CTNNA2: variants seen among roughly 807,000 people sequenced by gnomAD.
The protein encoded by CTNNA2 is catenin alpha 2.
In CTNNA2, 42 loss-of-function variants were observed where a neutral mutation model predicts 101.0. The ratio of observed to expected loss-of-function variants is 0.42; its 90% CI spans 0.32 to 0.54. The LOEUF is 0.54. Among genes scored for constraint, CTNNA2 ranks in the 20% least tolerant of loss-of-function variants. The probability of loss-of-function intolerance (pLI) is 0.14; values close to 1 mark genes in which losing one functional copy is unlikely to be tolerated. For missense variants in CTNNA2, 871 were observed against 1,223.1 expected, an observed-to-expected ratio of 0.71 and a Z score of 4.29; for synonymous variants, 450 against 456.4, an observed-to-expected ratio of 0.99 and a Z score of 0.18.
At chr2:79,722,236 A>G (rs1237870943) in intron 2 of CTNNA2, among the ~76,000 whole-genome samples, 1 of 152,198 alleles carries the variant, frequency 6.6e-6, no homozygotes, top group Admixed American at 6.5e-5. Flanking sequence ...AGCAGGCAGA[A>G]CATATTTAAC....
chr2:80,174,974 G>A (rs1247119927), intron 7 of CTNNA2, among the ~76,000 whole-genome samples: 1 of 152,024 alleles, frequency 6.6e-6, no homozygotes, highest in African/African-American at 2.4e-5. Context: ...CTCTCCCACT[G>A]CTTCATATTT....
intron 6 of CTNNA2, among the ~76,000 whole-genome samples, chr2:79,896,407 T>A (rs958931813): frequency 6.6e-6 from 1 of 152,184 alleles, no homozygotes; most frequent in Non-Finnish European, 1.5e-5. Context: ...TAAATGTACA[T>A]ATCTAACTAA....
At chr2:80,068,852 A>G (rs1572988392) in intron 7 of CTNNA2, among the ~76,000 whole-genome samples, 1 of 152,166 alleles carries the variant, frequency 6.6e-6, no homozygotes, top group Non-Finnish European at 1.5e-5. Flanking sequence ...CTAGTGGCAG[A>G]TGGAATGAGC....
intron 7 of CTNNA2, among the ~76,000 whole-genome samples, chr2:80,142,496 A>G (rs1402100937): frequency 6.6e-6 from 1 of 152,190 alleles, no homozygotes; most frequent in African/African-American, 2.4e-5. Context: ...AGATGAAAAA[A>G]GCAGAAAATG....
chr2:79,305,481 A>G (rs1364137121), intron 2 of CTNNA2, among the ~76,000 whole-genome samples: 1 of 151,166 alleles, frequency 6.6e-6, no homozygotes, highest in Non-Finnish European at 1.5e-5. Flanking sequence ...TAATCTGTGC[A>G]TGGTATGGTA....
chr2:80,127,423 A>G (rs1702198919), intron 7 of CTNNA2, among the ~76,000 whole-genome samples: 1 of 152,180 alleles, frequency 6.6e-6, no homozygotes, highest in African/African-American at 2.4e-5. Context: ...GGTTAACACT[A>G]TGGACTGACT....
intron 7 of CTNNA2, among the ~76,000 whole-genome samples, chr2:79,947,821 G>A (rs965126179): frequency 7.9e-5 from 12 of 152,130 alleles, no homozygotes; most frequent in African/African-American, 2.9e-4. Context: ...CCAAAGAAAG[G>A]GGCAAGGAGA....
chr2:80,295,225 A>AT (rs11371104), intron 7 of CTNNA2, among the ~76,000 whole-genome samples: 63,412 of 146,992 alleles, frequency 0.43, 13,455 homozygotes, highest in African/African-American at 0.49. Context: ...TCCTGAACAA[A>AT]TTTTTTTTTT....
At chr2:79,236,175 C>G (rs1346789202) in intron 2 of CTNNA2, among the ~76,000 whole-genome samples, 1 of 152,198 alleles carries the variant, frequency 6.6e-6, no homozygotes, top group East Asian at 1.9e-4. Context: ...CCCTGTTGTC[C>G]AGTCTGGGGT....
At chr2:79,402,774 C>A (rs1028330394) in intron 4 of CTNNA2, among the ~76,000 whole-genome samples, 2 of 151,780 alleles carry the variant, frequency 1.3e-5, no homozygotes, top group African/African-American at 2.4e-5. Context: ...AATGATTAAA[C>A]CTTCCAAAAA....
chr2:79,369,976 A>G (rs937340767), intron 3 of CTNNA2, among the ~76,000 whole-genome samples: 1 of 152,218 alleles, frequency 6.6e-6, no homozygotes, highest in African/African-American at 2.4e-5. Flanking sequence ...AAAAAGATCC[A>G]GATATTTTAC....
At chr2:79,918,250 C>T (rs895079162) in intron 7 of CTNNA2, among the ~76,000 whole-genome samples, 30 of 152,100 alleles carry the variant, frequency 2.0e-4, no homozygotes, top group Non-Finnish European at 3.8e-4. Context: ...CATGAATGAA[C>T]TCATAGGAAT....
intron 7 of CTNNA2, among the ~76,000 whole-genome samples, chr2:80,150,682 A>T (rs966623922): frequency 6.6e-6 from 1 of 152,184 alleles, no homozygotes. Context: ...TTGTATTTAA[A>T]TAAACACTGG....
intron 9 of CTNNA2, among the ~76,000 whole-genome samples, chr2:80,534,710 G>A (rs1282459278): frequency 6.6e-6 from 1 of 152,124 alleles, no homozygotes; most frequent in East Asian, 1.9e-4. Flanking sequence ...TGAGGAATAT[G>A]GGATGCAATG....
intron 7 of CTNNA2, among the ~76,000 whole-genome samples, chr2:80,222,940 A>C (rs913750420): frequency 2.0e-5 from 3 of 152,214 alleles, no homozygotes; most frequent in Non-Finnish European, 4.4e-5. Context: ...ATTTCATCTA[A>C]AATGACTGTG....
At chr2:79,950,759 A>C (rs1229534264) in intron 7 of CTNNA2, among the ~76,000 whole-genome samples, 1 of 152,236 alleles carries the variant, frequency 6.6e-6, no homozygotes, top group Admixed American at 6.5e-5. Flanking sequence ...AGAGGGGATT[A>C]GCTTTACAGA....
At chr2:80,268,449 C>A (rs1673190309) in intron 7 of CTNNA2, among the ~76,000 whole-genome samples, 1 of 152,116 alleles carries the variant, frequency 6.6e-6, no homozygotes, top group South Asian at 2.1e-4. Context: ...AGACCATATT[C>A]TTTTTTAGTT....
intron 11 of CTNNA2, among the ~76,000 whole-genome samples, chr2:80,547,114 C>G (rs766375723): frequency 3.9e-5 from 6 of 152,200 alleles, no homozygotes; most frequent in Non-Finnish European, 8.8e-5. Context: ...GAAAATGTTT[C>G]TAGTTGCAGT....
chr2:80,601,034 G>A (rs1697452933), intron 15 of CTNNA2, among the ~76,000 whole-genome samples: 1 of 152,116 alleles, frequency 6.6e-6, no homozygotes, highest in South Asian at 2.1e-4. Flanking sequence ...CCTGAACTTT[G>A]TAGCATTTGC....
Sources: gnomAD v4.1 joint callset for allele counts (sites outside exome capture counted in the v4.1 genomes callset) on GRCh38, gnomAD v4.1.1 for gene constraint, MANE v1.5 for transcripts, NCBI Gene and HGNC (gene_info 2026-07-23, HGNC 2026-07-21) for gene names.